NELL1: variants seen among roughly 807,000 people sequenced by gnomAD.
The protein encoded by NELL1 is neural EGFL like 1.
Under a neutral mutation model 107.4 loss-of-function variants are expected in NELL1, and 76 were observed. That is an observed-to-expected ratio of 0.71 (90% CI 0.59 to 0.86). The LOEUF is 0.86. Among genes scored for constraint, NELL1 ranks in the 40% least tolerant of loss-of-function variants. The pLI is 0.00. For synonymous variants in NELL1, 353 were observed against 341.2 expected, an observed-to-expected ratio of 1.03 and a Z score of -0.38; for missense variants, 1,024 against 1,005.5, an observed-to-expected ratio of 1.02 and a Z score of -0.25.
At chr11:21,542,641 C>CTTCTT (rs139101790) in intron 16 of NELL1, among the ~76,000 whole-genome samples, 1,852 of 152,002 alleles carry the variant, frequency 0.012, 38 homozygotes, top group East Asian at 0.077. Context: ...ATGTCATTAC[C>CTTCTT]TTCTTTGCAT....
At chr11:20,796,167 C>G (rs1857165603) in intron 3 of NELL1, among the ~76,000 whole-genome samples, 1 of 152,072 alleles carries the variant, frequency 6.6e-6, no homozygotes, top group Non-Finnish European at 1.5e-5. Context: ...GACCGTCCCA[C>G]CATTTGAAAT....
intron 15 of NELL1, among the ~76,000 whole-genome samples, chr11:21,496,600 G>A (rs1363291797): frequency 6.6e-6 from 1 of 151,664 alleles, no homozygotes; most frequent in African/African-American, 2.4e-5. Flanking sequence ...TAGTAGAGAC[G>A]GGGTTTCACC....
chr11:21,396,128 A>C (rs577827532), intron 15 of NELL1, among the ~76,000 whole-genome samples: 2 of 151,472 alleles, frequency 1.3e-5, no homozygotes, highest in East Asian at 3.9e-4. Context: ...CAAAGCATCA[A>C]TAATTGAGTA....
intron 1 of NELL1, chr11:20,671,259 G>C (rs1048306300): frequency 3.3e-5 from 5 of 152,246 alleles, no homozygotes; most frequent in African/African-American, 7.2e-5. Flanking sequence ...GAAGGAGTGC[G>C]CGCACCCCAG....
chr11:21,036,024 C>T (rs189027720), intron 12 of NELL1, among the ~76,000 whole-genome samples: 325 of 152,226 alleles, frequency 2.1e-3, no homozygotes, highest in African/African-American at 7.4e-3. Flanking sequence ...AGCTGATAAA[C>T]AACTTCAGCA....
intron 15 of NELL1, among the ~76,000 whole-genome samples, chr11:21,448,535 T>A (rs909772770): frequency 1.3e-5 from 2 of 152,196 alleles, no homozygotes; most frequent in African/African-American, 4.8e-5. Context: ...ACACATGTGG[T>A]GTACATATAT....
intron 2 of NELL1, among the ~76,000 whole-genome samples, chr11:20,739,925 G>T (rs1038469979): frequency 6.6e-6 from 1 of 152,150 alleles, no homozygotes; most frequent in Non-Finnish European, 1.5e-5. Context: ...TTACCCTCAA[G>T]CGCCATCGTT....
At chr11:21,429,717 C>T (rs192981598) in intron 15 of NELL1, among the ~76,000 whole-genome samples, 7 of 152,276 alleles carry the variant, frequency 4.6e-5, no homozygotes. Flanking sequence ...AAAGCCTTTA[C>T]ATATTTACAG....
chr11:21,274,171 A>C (rs1189503385), intron 14 of NELL1, among the ~76,000 whole-genome samples: 2 of 152,220 alleles, frequency 1.3e-5, no homozygotes, highest in African/African-American at 4.8e-5. Context: ...TCACGTGCAG[A>C]GACACACATA....
intron 15 of NELL1, among the ~76,000 whole-genome samples, chr11:21,494,598 G>A (rs4345962): frequency 0.11 from 16,757 of 151,730 alleles, 1,796 homozygotes; most frequent in East Asian, 0.52. Flanking sequence ...ATATATGTGC[G>A]TGACTCAGCA....
chr11:21,318,106 G>A (rs895136472), intron 14 of NELL1, among the ~76,000 whole-genome samples: 11 of 152,140 alleles, frequency 7.2e-5, no homozygotes, highest in Non-Finnish European at 1.6e-4. Flanking sequence ...AGACTTCAAA[G>A]TTCCTGTTAC....
chr11:21,445,273 T>A (rs144476097), intron 15 of NELL1, among the ~76,000 whole-genome samples: 1 of 151,810 alleles, frequency 6.6e-6, no homozygotes, highest in South Asian at 2.1e-4. Context: ...AGTGAGTTGG[T>A]TTTTTTTGTT....
intron 13 of NELL1, among the ~76,000 whole-genome samples, chr11:21,189,935 T>G (rs1857014589): frequency 6.6e-6 from 1 of 151,898 alleles, no homozygotes; most frequent in Admixed American, 6.6e-5. Context: ...GGCTTTTCTG[T>G]GGATTGTGGA....
At chr11:20,918,888 A>G (rs985596407) in intron 6 of NELL1, among the ~76,000 whole-genome samples, 3 of 152,030 alleles carry the variant, frequency 2.0e-5, no homozygotes, top group African/African-American at 7.2e-5. Flanking sequence ...TTTAATATAT[A>G]TTTTTAAAAA....
At chr11:21,535,568 G>A (rs1856115583) in intron 16 of NELL1, among the ~76,000 whole-genome samples, 1 of 152,146 alleles carries the variant, frequency 6.6e-6, no homozygotes, top group Non-Finnish European at 1.5e-5. Context: ...TGACATTATT[G>A]TTGAGAGGCA....
intron 4 of NELL1, among the ~76,000 whole-genome samples, chr11:20,848,381 G>A (rs1848738811): frequency 6.6e-6 from 1 of 152,130 alleles, no homozygotes; most frequent in Admixed American, 6.5e-5. Context: ...TGTCTCCCTT[G>A]TCTGTCACTG....
intron 3 of NELL1, among the ~76,000 whole-genome samples, chr11:20,797,565 C>CAAAAAAAAAAAAAAAAAA (rs35016707): frequency 1.4e-5 from 1 of 69,294 alleles, no homozygotes; most frequent in African/African-American, 6.2e-5. Context: ...GACTCCATCT[C>CAAAAAAAAAAAAAAAAAA]AAAAAAAAAA....
At chr11:21,155,911 A>C (rs1856221258) in intron 13 of NELL1, among the ~76,000 whole-genome samples, 1 of 152,202 alleles carries the variant, frequency 6.6e-6, no homozygotes, top group African/African-American at 2.4e-5. Context: ...GCAGAGGCTG[A>C]AGACCAAGGA....
At chr11:20,701,877 T>A (rs1167041875) in intron 2 of NELL1, among the ~76,000 whole-genome samples, 1 of 152,170 alleles carries the variant, frequency 6.6e-6, no homozygotes, top group East Asian at 1.9e-4. Flanking sequence ...TATCTCTGTT[T>A]TGGTACCAGT....
Sources: allele counts gnomAD v4.1 joint callset (sites outside exome capture counted in the v4.1 genomes callset), GRCh38; gene constraint gnomAD v4.1.1; transcripts MANE v1.5; gene names NCBI Gene and HGNC (gene_info 2026-07-23, HGNC 2026-07-21).